The following MMP26 variants were observed in gnomAD, a reference collection of about 807,000 sequenced individuals.
MMP26 encodes matrix metallopeptidase 26.
A neutral mutation model predicts 31.0 loss-of-function variants in MMP26; 33 were observed. That is an observed-to-expected ratio of 1.06 (90% CI 0.81 to 1.42). MMP26 has a LOEUF of 1.42. Among genes scored for constraint, MMP26 ranks in the 40% most tolerant of loss-of-function variants. The pLI, the probability that MMP26 is intolerant of heterozygous loss-of-function variation, is 0.00. For missense variants in MMP26, 347 were observed against 316.1 expected, an observed-to-expected ratio of 1.10 and a Z score of -0.74; for synonymous variants, 122 against 114.9, an observed-to-expected ratio of 1.06 and a Z score of -0.40.
At chr11:4,828,409 A>T (rs1459432111) in intron 2 of MMP26, among the ~76,000 whole-genome samples, 5 of 152,172 alleles carry the variant, frequency 3.3e-5, no homozygotes, top group Non-Finnish European at 4.4e-5. Context: ...TGTGTTTCTC[A>T]GTAGCTGGAC....
intron 1 of MMP26, among the ~76,000 whole-genome samples, chr11:4,727,740 T>TGG (rs1372247533): frequency 6.6e-6 from 1 of 151,782 alleles, no homozygotes; most frequent in Admixed American, 6.6e-5. Context: ...ACCCGGGAGG[T>TGG]GGAGATTGCA....
At chr11:4,931,712 G>A (rs1228270036) in intron 2 of MMP26, among the ~76,000 whole-genome samples, 1 of 151,910 alleles carries the variant, frequency 6.6e-6, no homozygotes, top group Admixed American at 6.6e-5. Context: ...GTGCAGCAAG[G>A]TCTCAAAAAA....
chr11:4,768,078 CTG>C (rs1564904662), intron 2 of MMP26, among the ~76,000 whole-genome samples: 2 of 152,202 alleles, frequency 1.3e-5, no homozygotes, highest in South Asian at 4.2e-4. Flanking sequence ...TTTGTGAAAA[CTG>C]TGAAAACTAT....
At chr11:4,847,634 A>G (rs1332632733) in intron 2 of MMP26, 1 of 152,250 alleles carries the variant, frequency 6.6e-6, no homozygotes, top group African/African-American at 2.4e-5. Context: ...ATTCAAAAAT[A>G]TACTAACATT....
At chr11:4,985,639 G>C (rs1451796837) in intron 2 of MMP26, among the ~76,000 whole-genome samples, 1 of 151,960 alleles carries the variant, frequency 6.6e-6, no homozygotes, top group Non-Finnish European at 1.5e-5. Context: ...TTATATTACA[G>C]TTCTATATTC....
chr11:4,874,208 T>A (rs1476710089), intron 2 of MMP26, among the ~76,000 whole-genome samples: 1 of 152,102 alleles, frequency 6.6e-6, no homozygotes, highest in Non-Finnish European at 1.5e-5. Flanking sequence ...ATACGACTAG[T>A]ACAAGTAAGG....
chr11:4,773,459 T>G (rs981982273), intron 2 of MMP26, among the ~76,000 whole-genome samples: 1 of 152,122 alleles, frequency 6.6e-6, no homozygotes, highest in Admixed American at 6.5e-5. Flanking sequence ...TAATAGAATC[T>G]AGCAACACTT....
intron 1 of MMP26, among the ~76,000 whole-genome samples, chr11:4,707,335 A>G (rs1847793540): frequency 6.6e-6 from 1 of 152,184 alleles, no homozygotes; most frequent in African/African-American, 2.4e-5. Flanking sequence ...TTGTTTGGAG[A>G]AATCTCTATT....
At chr11:4,915,201 C>T (rs766112888) in intron 2 of MMP26, 3 of 1,613,844 alleles carry the variant, frequency 1.9e-6, no homozygotes, top group Admixed American at 3.3e-5. Flanking sequence ...ACACTACGAC[C>T]CAGAGAGACC....
intron 2 of MMP26, chr11:4,915,331 GC>G: frequency 6.2e-7 from 1 of 1,613,952 alleles, no homozygotes; most frequent in Non-Finnish European, 8.5e-7. Context: ...GGAAGGAGAA[GC>G]AGTGAATGAA....
At chr11:4,707,472 A>G (rs750028352) in intron 1 of MMP26, among the ~76,000 whole-genome samples, 2 of 152,200 alleles carry the variant, frequency 1.3e-5, no homozygotes, top group African/African-American at 2.4e-5. Context: ...TTTATTTACT[A>G]TAATAAAAAG....
chr11:4,967,200 G>A (rs530977831), intron 2 of MMP26, among the ~76,000 whole-genome samples: 25 of 152,254 alleles, frequency 1.6e-4, no homozygotes, highest in African/African-American at 5.8e-4. Flanking sequence ...GATTTTAGAA[G>A]AAAGTAAAAG....
intron 2 of MMP26, among the ~76,000 whole-genome samples, chr11:4,841,735 C>T (rs972644326): frequency 6.6e-6 from 1 of 152,108 alleles, no homozygotes; most frequent in African/African-American, 2.4e-5. Context: ...GAGTTCGAGA[C>T]CAGTCTGACC....
At chr11:4,794,826 C>T (rs567844222) in intron 2 of MMP26, 14 of 152,322 alleles carry the variant, frequency 9.2e-5, no homozygotes, top group African/African-American at 3.4e-4. Flanking sequence ...ATTCCATGTA[C>T]TTTGTCTTGA....
Position 4,881,947 on chromosome 11 carries a change from C to T in MMP26, c.-144-106121C>T, listed in dbSNP as rs142962467. 19 of 1,613,858 alleles carry T rather than the reference C, an allele frequency of 1.2e-5. No individual in the cohort carries two copies. The African/African-American group carries it at 2.0e-4, about 17-fold the overall frequency. On this transcript the variant is annotated intron_variant, in intron 2 of 7. Coordinates refer to ENST00000380390, the MANE Select transcript of MMP26 (RefSeq NM_021801.5). ...CTTCGTCTTCCTCAAACTTCCTCCTCACTGCATTCCCTGGGCTGGAATGTG... is the reference window on the plus strand; with the variant it reads ...CTTCGTCTTCCTCAAACTTCCTCCTTACTGCATTCCCTGGGCTGGAATGTG...
chr11:4,719,603 A>G (rs1415145077), intron 1 of MMP26: 1 of 152,294 alleles, frequency 6.6e-6, no homozygotes, highest in Non-Finnish European at 1.5e-5. Context: ...CATTTTATAG[A>G]TGAGTAAAAT....
rs141025750 is a variant in MMP26 at position 4,863,964 on chromosome 11, G to A, written c.-145+96623G>A. 6.7e-3 allele frequency among the ~76,000 whole-genome samples: 1,020 copies of A among 152,146 alleles called. 7 individuals carry two copies. The highest frequency in any genetic ancestry group is 0.023 in the African/African-American group (965 of 41,514). ...TGCACACAAATGCATGTGTATGCAC[G>A]CACACACACTAATTTGAATCATGTT... On this transcript the variant is annotated intron_variant, in intron 2 of 7. Transcript: ENST00000380390.
intron 2 of MMP26, among the ~76,000 whole-genome samples, chr11:4,941,146 C>T (rs186694549): frequency 7.6e-4 from 116 of 152,166 alleles, no homozygotes; most frequent in Non-Finnish European, 1.1e-3. Context: ...CTCTTTAGTC[C>T]CTTAGTCAAT....
chr11:4,910,161 G>C (rs1850967829), intron 2 of MMP26, among the ~76,000 whole-genome samples: 1 of 151,990 alleles, frequency 6.6e-6, no homozygotes, highest in Non-Finnish European at 1.5e-5. Flanking sequence ...CTGTTTTCGT[G>C]CATTTTCTGG....
Sources: allele counts gnomAD v4.1 joint callset (sites outside exome capture counted in the v4.1 genomes callset), GRCh38; gene constraint gnomAD v4.1.1; transcripts MANE v1.5; gene names NCBI Gene and HGNC (gene_info 2026-07-23, HGNC 2026-07-21).